The following TMEM117 variants were observed in gnomAD, a reference collection of about 807,000 sequenced individuals.
TMEM117 encodes transmembrane protein 117.
TMEM117 carries 27 observed loss-of-function variants against 52.4 expected under a neutral mutation model. That is an observed-to-expected ratio of 0.51 (90% CI 0.38 to 0.71). The LOEUF is 0.71. Among genes scored for constraint, TMEM117 ranks in the 30% least tolerant of loss-of-function variants. The pLI is 0.00. For missense variants in TMEM117, 556 were observed against 630.5 expected (o/e 0.88, Z 1.26); for synonymous variants, 215 against 206.3 (o/e 1.04, Z -0.36).
intron 2 of TMEM117, among the ~76,000 whole-genome samples, chr12:43,860,176 C>T (rs187488854): frequency 1.7e-4 from 26 of 152,162 alleles, no homozygotes; most frequent in African/African-American, 6.3e-4. Flanking sequence ...CTCCCCTAGT[C>T]CCCCCACCCC....
At chr12:44,228,226 G>C (rs1949888066) in intron 5 of TMEM117, among the ~76,000 whole-genome samples, 1 of 152,092 alleles carries the variant, frequency 6.6e-6, no homozygotes, top group Non-Finnish European at 1.5e-5. Context: ...AATTAGGAAA[G>C]AGGGCATTGC....
intron 6 of TMEM117, among the ~76,000 whole-genome samples, chr12:44,322,833 A>G (rs537162177): frequency 6.6e-6 from 1 of 152,140 alleles, no homozygotes; most frequent in African/African-American, 2.4e-5. Context: ...CCCCCCACCA[A>G]AAAAGATACT....
At chr12:44,330,387 G>T (rs1951253806) in intron 6 of TMEM117, among the ~76,000 whole-genome samples, 1 of 151,884 alleles carries the variant, frequency 6.6e-6, no homozygotes, top group African/African-American at 2.4e-5. Context: ...AATACATTGT[G>T]AACTACATGT....
At chr12:44,193,561 T>A (rs189279033) in intron 4 of TMEM117, among the ~76,000 whole-genome samples, 6 of 152,236 alleles carry the variant, frequency 3.9e-5, no homozygotes, top group Non-Finnish European at 7.4e-5. Flanking sequence ...GCAACTGATA[T>A]AAGGCCAGGA....
At chr12:43,993,731 T>C (rs1212547829) in intron 3 of TMEM117, among the ~76,000 whole-genome samples, 3 of 152,100 alleles carry the variant, frequency 2.0e-5, no homozygotes, top group Non-Finnish European at 4.4e-5. Context: ...GTCTCACTCT[T>C]TTGCCCAGGC....
At chr12:44,074,110 T>G (rs1242189911) in intron 3 of TMEM117, among the ~76,000 whole-genome samples, 2 of 152,184 alleles carry the variant, frequency 1.3e-5, no homozygotes, top group Admixed American at 6.5e-5. Context: ...TGTTTGATTT[T>G]ACAAAGCCAC....
At chr12:43,925,650 G>A (rs557729158) in intron 2 of TMEM117, among the ~76,000 whole-genome samples, 30 of 152,224 alleles carry the variant, frequency 2.0e-4, no homozygotes, top group African/African-American at 4.1e-4. Flanking sequence ...GGTGAATTAC[G>A]TGAAATCCTT....
chr12:44,344,387 A>C (rs1951456674), intron 6 of TMEM117, among the ~76,000 whole-genome samples: 1 of 152,122 alleles, frequency 6.6e-6, no homozygotes, highest in Non-Finnish European at 1.5e-5. Context: ...ACTTGGTTTA[A>C]TGACAGTTGT....
At chr12:43,936,730 G>C (rs1944957544) in intron 2 of TMEM117, among the ~76,000 whole-genome samples, 1 of 152,198 alleles carries the variant, frequency 6.6e-6, no homozygotes, top group African/African-American at 2.4e-5. Flanking sequence ...ATGCAGCCAG[G>C]ATGTCTTGCC....
chr12:43,885,415 T>TTC (rs1565734600), intron 2 of TMEM117, among the ~76,000 whole-genome samples: 1 of 16,656 alleles, frequency 6.0e-5, no homozygotes, highest in East Asian at 7.2e-3. Flanking sequence ...TTTTCTTTTC[T>TTC]TTTCTTTTTT....
At chr12:44,231,306 T>A (rs1949929877) in intron 5 of TMEM117, among the ~76,000 whole-genome samples, 1 of 151,940 alleles carries the variant, frequency 6.6e-6, no homozygotes, top group African/African-American at 2.4e-5. Flanking sequence ...TGTTTTAGAG[T>A]GTATCTCTAG....
intron 5 of TMEM117, among the ~76,000 whole-genome samples, chr12:44,284,602 G>A (rs191183787): frequency 1.3e-5 from 2 of 152,284 alleles, no homozygotes; most frequent in Admixed American, 6.5e-5. Flanking sequence ...CAATGCACAG[G>A]CCTCTTTGCT....
At chr12:44,309,677 G>A (rs536223984) in intron 6 of TMEM117, among the ~76,000 whole-genome samples, 1 of 151,044 alleles carries the variant, frequency 6.6e-6, no homozygotes, top group South Asian at 2.1e-4. Flanking sequence ...CTTCCAATAA[G>A]GATAATATTA....
chr12:44,065,896 G>C (rs1286649482), intron 3 of TMEM117, among the ~76,000 whole-genome samples: 1 of 152,196 alleles, frequency 6.6e-6, no homozygotes, highest in Non-Finnish European at 1.5e-5. Context: ...TGCAGATGAA[G>C]TAAATAGGTT....
chr12:44,242,001 A>C (rs1488319961), intron 5 of TMEM117, among the ~76,000 whole-genome samples: 1 of 151,952 alleles, frequency 6.6e-6, no homozygotes, highest in Non-Finnish European at 1.5e-5. Context: ...TATGTTACTT[A>C]CAAAATAAGG....
chr12:44,353,014 TG>T (rs1951587895), intron 6 of TMEM117, among the ~76,000 whole-genome samples: 1 of 152,168 alleles, frequency 6.6e-6, no homozygotes, highest in Non-Finnish European at 1.5e-5. Context: ...GGTATCTCAT[TG>T]TGGTTTTGAT....
At chr12:44,352,278 GTTTTGTTT>G (rs1384359169) in intron 6 of TMEM117, among the ~76,000 whole-genome samples, 1 of 151,586 alleles carries the variant, frequency 6.6e-6, no homozygotes, top group Non-Finnish European at 1.5e-5. Flanking sequence ...GTTTTGTTTT[GTTTTGTTT>G]TTTTGTTTTT....
At position 43,868,399 on chromosome 12, in the gene TMEM117, A is replaced by T. The variant is rs116967754; in HGVS notation, c.277+23471A>T. ...TCTACTAAAATAATAATAATAATAAAAAAAAAGCCAGGCATGGTGGCCCGT... is the reference window on the plus strand; with the variant it reads ...TCTACTAAAATAATAATAATAATAATAAAAAAGCCAGGCATGGTGGCCCGT... On this transcript the variant is annotated intron_variant, in intron 2 of 7. Transcript: ENST00000266534. 0.011 allele frequency among the ~76,000 whole-genome samples: 1,733 copies of T among 151,858 alleles called. 67 individuals are homozygous for T. The East Asian group carries it at 0.16, about 14-fold the overall frequency.
At chr12:44,226,285 G>A (rs950221327) in intron 5 of TMEM117, among the ~76,000 whole-genome samples, 1 of 152,120 alleles carries the variant, frequency 6.6e-6, no homozygotes, top group African/African-American at 2.4e-5. Context: ...TGACTGAGAA[G>A]TCATCTCTCT....
Sources: allele counts gnomAD v4.1 joint callset (sites outside exome capture counted in the v4.1 genomes callset), GRCh38; gene constraint gnomAD v4.1.1; transcripts MANE v1.5; gene names NCBI Gene and HGNC (gene_info 2026-07-23, HGNC 2026-07-21).